The following URB1 variants were observed in gnomAD, a reference collection of about 807,000 sequenced individuals.
URB1 encodes nucleolar pre-ribosomal-associated protein 1.
In URB1, 197 loss-of-function variants were observed where a neutral mutation model predicts 242.3. The ratio of observed to expected loss-of-function variants is 0.81; its 90% confidence interval spans 0.72 to 0.91. The LOEUF (loss-of-function observed/expected upper bound fraction) is 0.91. Among genes scored for constraint, URB1 ranks in the 40% least tolerant of loss-of-function variants. The pLI is 0.00. For synonymous variants in URB1, 1,153 were observed against 1,201.8 expected (o/e 0.96, Z 0.84); for missense variants, 2,721 against 2,860.5 (o/e 0.95, Z 1.11).
intron 10 of URB1, among the ~76,000 whole-genome samples, chr21:32,365,807 C>A (rs1197648556): frequency 6.6e-6 from 1 of 152,200 alleles, no homozygotes; most frequent in Non-Finnish European, 1.5e-5. Flanking sequence ...TACCACAGGG[C>A]CAACTGAGGC....
rs934323017 is a variant in URB1, at chr21:32,339,583, C to T, written c.4317-683G>A. 4.0e-5 allele frequency among the ~76,000 whole-genome samples: 6 copies of T among 151,858 alleles called. 1 individual carries two copies. The South Asian group carries it at 6.3e-4, about 16-fold the overall frequency. ...TTGGCTCACTGCAAGCTCCGCCTCC[C>T]GGGTTCACACCATTCTCCTGCCTCA... On this transcript the variant is annotated intron_variant, in intron 25 of 38. Transcript: ENST00000382751.
At chr21:32,384,897 C>T (rs1232619393) in intron 2 of URB1, among the ~76,000 whole-genome samples, 5 of 152,188 alleles carry the variant, frequency 3.3e-5, no homozygotes, top group Admixed American at 3.3e-4. Flanking sequence ...AGGAGAATGG[C>T]ATGAACCCAG....
Position 32,347,608 on chromosome 21 carries a change from C to T in URB1, c.3216G>A (p.Leu1072=), listed in dbSNP as rs1381830745. The change falls in exon 22 of 39, where the codon CTG becomes CTA. Residue 1072 remains leucine (L), a synonymous_variant. Coordinates refer to ENST00000382751, the MANE Select transcript of URB1 (RefSeq NM_014825.3). ...ILQNIGQLGL[L]ARYSEAITQS... ...GGGTGATGGCCTCTGAGTACCTGGC[C>T]AGAAGGCCCAGCTGCCCAATGTTCT... is the stretch of plus-strand genomic sequence containing the variant. 4 of 1,551,458 alleles carry T rather than the reference C, an allele frequency of 2.6e-6. No individual in the cohort carries two copies. The highest frequency in any genetic ancestry group is 3.5e-6 in the Non-Finnish European group (4 of 1,146,966).
chr21:32,347,628 T>C lies in URB1; in HGVS notation c.3196A>G (p.Ile1066Val). The change falls in exon 22 of 39, where the codon ATT becomes GTT. Residue 1066 changes from isoleucine to valine, a missense_variant. Ile to Val is a conservative substitution (Grantham distance 29, BLOSUM62 3). Coordinates refer to ENST00000382751, the MANE Select transcript of URB1 (RefSeq NM_014825.3). The part of the protein sequence containing the change: ...LAASAPILQN[I>V]GQLGLLARYS... ...CTGGCCAGAAGGCCCAGCTGCCCAATGTTCTGGAGGATCGGGGCACTTGCT... is the reference window on the plus strand; with the variant it reads ...CTGGCCAGAAGGCCCAGCTGCCCAACGTTCTGGAGGATCGGGGCACTTGCT... 3.9e-6 allele frequency: 6 copies of C among 1,551,666 alleles called. No individual in the cohort carries two copies. Among genetic ancestry groups the C allele is most frequent in the Non-Finnish European group, 5.2e-6 (6 of 1,146,996 alleles).
rs770261592 is a variant in URB1, at chr21:32,347,093, T to A, written c.3731A>T (p.His1244Leu). The A allele has an allele frequency of 2.6e-6, 4 of 1,550,316 alleles. No homozygotes were observed. Among genetic ancestry groups the A allele is most frequent in the Non-Finnish European group, 3.5e-6 (4 of 1,146,602 alleles). ...GCACCACTGCTCGAACCACAGCAAG[T>A]GGGTGCAGCTCTCCTGGAGGAGCAG... ...AALLLQESCT[H>L]LLWFEQWCLQ... Residue 1244 changes from histidine (H) to leucine (L), a missense_variant, in exon 22 of 39, where the codon CAC (histidine) becomes CTC (leucine). His to Leu is a moderately conservative substitution (Grantham distance 99). Coordinates refer to ENST00000382751, the MANE Select transcript of URB1 (RefSeq NM_014825.3).
Position 32,349,372 on chromosome 21 carries a change from C to A in URB1, c.2944G>T (p.Ala982Ser). The change falls in exon 21 of 39, where the codon GCC becomes TCC. Residue 982 changes from alanine to serine, a missense_variant. Coordinates refer to ENST00000382751, the MANE Select transcript of URB1 (RefSeq NM_014825.3). ...DAQNQQRCEA[A>S]RAEADLFLDM... is the part of the protein sequence containing the mutation. ...AGGAAGAGGTCGGCTTCGGCCCGGG[C>A]GGCCTCGCATCTCTGCTGGTTCTGG... 1 of 1,551,436 alleles carries A rather than the reference C, an allele frequency of 6.4e-7. No homozygotes were observed.
At chr21:32,383,657 C>T (rs1033929008) in intron 3 of URB1, 103 bp from the exon 4 acceptor site, 16 of 1,251,728 alleles carry the variant, frequency 1.3e-5, no homozygotes, top group Middle Eastern at 2.8e-4. Context: ...ATTTGCTATC[C>T]CCAAACCAGA....
chr21:32,384,520 C>A, intron 2 of URB1, 56 bp from the exon 3 acceptor site: 2 of 1,520,022 alleles, frequency 1.3e-6, no homozygotes, highest in South Asian at 1.2e-5. Context: ...TCCTCCTGTA[C>A]ATATATGCTC....
At chr21:32,339,478 ATTTTCTTTTTT>A (rs982804492) in intron 25 of URB1, among the ~76,000 whole-genome samples, 12 of 141,974 alleles carry the variant, frequency 8.5e-5, no homozygotes, top group African/African-American at 1.6e-4. Flanking sequence ...CAGTGCATTT[ATTTTCTTTTTT>A]TTTTCTTTTT....
In URB1 at chr21:32,363,269, C is replaced by A; in HGVS notation, c.1396G>T (p.Ala466Ser). 3 of 1,551,820 alleles carry A rather than the reference C, an allele frequency of 1.9e-6. No individual in the cohort carries two copies. In the South Asian group the frequency reaches 3.6e-5, roughly 18 times the overall value. Reference protein sequence around the residue: ...LSLISVILKRALKTVDHCLNK... With the variant: ...LSLISVILKRSLKTVDHCLNK... The stretch of plus-strand genomic sequence containing the variant: ...AGGCAGTGGTCAACAGTTTTTAATG[C>A]CCTCTTCAAAATGACAGAAATAAGG... The change falls in exon 11 of 39, where the codon GCA (alanine) becomes TCA (serine). Residue 466 changes from alanine to serine, a missense_variant. Physicochemically the swap from Ala to Ser is moderately conservative, Grantham distance 99. Transcript: ENST00000382751.
Position 32,349,456 on chromosome 21 carries a change from G to A in URB1, c.2860C>T (p.Leu954=). The A allele has an allele frequency of 1.3e-6, 2 of 1,550,768 alleles. No homozygotes were observed. The highest frequency in any genetic ancestry group is 2.7e-5 in the African/African-American group (2 of 73,142). ...CTGAGGAGATCCAGGAAGAGCTGCA[G>A]GAGGGGCGGGCCCACACTTCTGCCC... is the stretch of plus-strand genomic sequence containing the variant. ...QLGRSVGPPL[L]QLFLDLLRRL... The change falls in exon 21 of 39, where the codon CTG becomes TTG. Residue 954 remains leucine (L), a synonymous_variant. Coordinates refer to ENST00000382751, the MANE Select transcript of URB1 (RefSeq NM_014825.3).
In URB1 at chr21:32,390,644, A is replaced by C. The variant is rs1337604993; in HGVS notation, c.142+2125T>G. Among the ~76,000 whole-genome samples, 53 of 152,172 alleles carry C rather than the reference A, an allele frequency of 3.5e-4. 1 individual carries two copies. The highest frequency in any genetic ancestry group is 3.5e-3 in the Admixed American group (53 of 15,280). The stretch of plus-strand genomic sequence containing the variant: ...TAGTTTAATTAGATCCATCAGAGAA[A>C]TGCAAATCAAAACCACAATGAGATA... On this transcript the variant is annotated intron_variant, in intron 1 of 38. Coordinates refer to ENST00000382751, the MANE Select transcript of URB1 (RefSeq NM_014825.3).
rs951622724 is a variant in URB1, at chr21:32,312,686, G to C, written c.*2232C>G. On this transcript the variant is annotated 3_prime_UTR_variant, in exon 39 of 39. Transcript: ENST00000382751. Reference sequence around the variant, plus strand: ...CTGGATGTGACTTTATGTGACAGTGGATCTGGGACCCTTGAAAGATCTAGT... The same window carrying C: ...CTGGATGTGACTTTATGTGACAGTGCATCTGGGACCCTTGAAAGATCTAGT... 1 of 156,492 alleles carries C rather than the reference G, an allele frequency of 6.4e-6. No homozygotes were observed. Among genetic ancestry groups the C allele is most frequent in the Non-Finnish European group, 1.4e-5 (1 of 70,452 alleles). 9.7% of individuals were successfully genotyped at this position (156,492 alleles called of 1,614,324 possible). A position where few individuals can be genotyped will look rare whatever the true frequency, so the allele number is the denominator to read the frequency against.
chr21:32,388,968 C>T (rs751667709), intron 1 of URB1, among the ~76,000 whole-genome samples: 4 of 152,170 alleles, frequency 2.6e-5, no homozygotes, highest in Admixed American at 2.6e-4. Flanking sequence ...ATGGTCCTTA[C>T]AATCTAATGA....
At chr21:32,350,584 C>G in intron 20 of URB1, 120 bp downstream of exon 20, 1 of 1,180,014 alleles carries the variant, frequency 8.5e-7, no homozygotes, top group Non-Finnish European at 1.2e-6. Flanking sequence ...AGCACTTAAA[C>G]TGCCTCTGCA....
chr21:32,371,169 C>T (rs1378924901), intron 8 of URB1, among the ~76,000 whole-genome samples: 1 of 152,186 alleles, frequency 6.6e-6, no homozygotes, highest in Admixed American at 6.5e-5. Context: ...CACGTGTCTA[C>T]TGGGGAACAG....
At chr21:32,390,362 C>T (rs921372763) in intron 1 of URB1, among the ~76,000 whole-genome samples, 1 of 152,212 alleles carries the variant, frequency 6.6e-6, no homozygotes, top group Non-Finnish European at 1.5e-5. Flanking sequence ...AAAGCCACTT[C>T]CTCTGATGGC....
intron 24 of URB1, among the ~76,000 whole-genome samples, chr21:32,342,305 G>T (rs906266955): frequency 6.6e-6 from 1 of 152,182 alleles, no homozygotes; most frequent in African/African-American, 2.4e-5. Flanking sequence ...GGAACTGGAT[G>T]ATCAATGCTG....
intron 38 of URB1, among the ~76,000 whole-genome samples, chr21:32,316,222 T>C (rs1044875917): frequency 2.6e-5 from 4 of 152,206 alleles, no homozygotes; most frequent in African/African-American, 7.2e-5. Flanking sequence ...CTCTGCACCG[T>C]CAACATAACC....
Sources: allele counts gnomAD v4.1 joint callset (sites outside exome capture counted in the v4.1 genomes callset), GRCh38; gene constraint gnomAD v4.1.1; transcripts MANE v1.5; gene names NCBI Gene and HGNC (gene_info 2026-07-23, HGNC 2026-07-21).